Variants in DPP6 observed in about 807,000 individuals in gnomAD.
DPP6 encodes the protein dipeptidyl peptidase like 6.
Under a neutral mutation model 122.6 loss-of-function variants are expected in DPP6, and 69 were observed. The ratio of observed to expected loss-of-function variants is 0.56; its 90% CI spans 0.46 to 0.69. The LOEUF (loss-of-function observed/expected upper bound fraction) is 0.69, where lower values mean the gene tolerates loss of function less well. DPP6 is among the 30% of genes least tolerant of loss of function. The pLI is 0.00. For missense variants in DPP6, 928 were observed against 1,116.9 expected, an observed-to-expected ratio of 0.83 and a Z score of 2.41; for synonymous variants, 418 against 433.1, an observed-to-expected ratio of 0.97 and a Z score of 0.43.
chr7:153,859,893 T>TG, the DPP6 span, among the ~76,000 whole-genome samples: 30 of 152,078 alleles, frequency 2.0e-4, 1 homozygote, highest in Admixed American at 9.8e-4. Context: ...GAGAACAGCG[T>TG]GGGGAAAACC....
chr7:153,815,898 G>A, the DPP6 span, among the ~76,000 whole-genome samples: 1 of 152,114 alleles, frequency 6.6e-6, no homozygotes, highest in Admixed American at 6.6e-5. Flanking sequence ...TATAAATTAA[G>A]AGAATATCAC....
chr7:154,771,947 C>T (rs1796273222), intron 9 of DPP6, among the ~76,000 whole-genome samples: 1 of 152,208 alleles, frequency 6.6e-6, no homozygotes, highest in Non-Finnish European at 1.5e-5. Context: ...GCCAGAAGAG[C>T]TGGTGGCTGT....
intron 1 of DPP6, among the ~76,000 whole-genome samples, chr7:154,335,586 A>G (rs1029176263): frequency 1.3e-5 from 2 of 152,178 alleles, no homozygotes; most frequent in Non-Finnish European, 2.9e-5. Context: ...GATTAAGAGT[A>G]CAGAATCAAT....
At chr7:154,421,798 AAC>A (rs1409813446) in intron 1 of DPP6, among the ~76,000 whole-genome samples, 1 of 152,220 alleles carries the variant, frequency 6.6e-6, no homozygotes, top group Non-Finnish European at 1.5e-5. Context: ...ATTAGTGGAG[AAC>A]GGAACCAGCT....
chr7:154,681,514 G>A (rs190335504), intron 7 of DPP6, among the ~76,000 whole-genome samples: 5 of 152,316 alleles, frequency 3.3e-5, no homozygotes, highest in East Asian at 1.9e-4. Context: ...CCACACTTGC[G>A]GCCATGGCAG....
In DPP6 at chr7:154,893,455, A is replaced by AAC. The variant is rs1302206047; in HGVS notation, c.*976_*977insCA. 2.0e-5 allele frequency: 2 copies of AAC among 99,922 alleles called. No individual in the cohort carries two copies. Among genetic ancestry groups the AAC allele is most frequent in the East Asian group, 4.5e-4 (2 of 4,406 alleles). The allele number at this position is 99,922 out of a possible 1,614,324, so 6.2% of individuals were successfully genotyped here. Reference sequence around the variant, plus strand: ...CTCTTTCCCATGACATTTGGTTTAAAAAAAAAAAAAAAAAAAAAAAAAAAA... The same window carrying AAC: ...CTCTTTCCCATGACATTTGGTTTAAAACAAAAAAAAAAAAAAAAAAAAAAAAA... On this transcript the variant is annotated 3_prime_UTR_variant, in exon 26 of 26. Coordinates refer to ENST00000377770, the MANE Select transcript of DPP6 (RefSeq NM_130797.4).
intron 1 of DPP6, among the ~76,000 whole-genome samples, chr7:154,257,092 A>G (rs1280313534): frequency 6.8e-6 from 1 of 146,432 alleles, no homozygotes; most frequent in African/African-American, 2.5e-5. Context: ...AATCTCCTGG[A>G]CTCAAACGAT....
At chr7:153,952,067 A>G (rs905735473) in intron 1 of DPP6, among the ~76,000 whole-genome samples, 4 of 152,258 alleles carry the variant, frequency 2.6e-5, no homozygotes, top group African/African-American at 9.6e-5. Flanking sequence ...GAAAGAAAAA[A>G]CTACTGAATG....
chr7:154,123,015 C>T (rs538045671), intron 1 of DPP6, among the ~76,000 whole-genome samples: 37 of 152,202 alleles, frequency 2.4e-4, no homozygotes, highest in African/African-American at 8.9e-4. Flanking sequence ...TCCTCGGGCA[C>T]TGTTTTTCTG....
At chr7:153,915,528 G>A (rs559387801) in intron 1 of DPP6, among the ~76,000 whole-genome samples, 3 of 152,300 alleles carry the variant, frequency 2.0e-5, no homozygotes, top group East Asian at 1.9e-4. Context: ...TTCTAACACC[G>A]AAGTGAAATT....
rs1801628881 is a variant in DPP6, at chr7:154,241,696, A to G, written c.243+188633A>G. Among the ~76,000 whole-genome samples, 2 of 152,212 alleles carry G rather than the reference A, an allele frequency of 1.3e-5. No individual in the cohort carries two copies. The highest frequency in any genetic ancestry group is 2.1e-4 in the South Asian group (1 of 4,834). ...CTCAATATCATACAAACCGGCACTT[A>G]TCACATCTTGAAATTTCCCGAAGCT... On this transcript the variant is annotated intron_variant, in intron 1 of 25. Coordinates refer to ENST00000377770, the MANE Select transcript of DPP6 (RefSeq NM_130797.4). The surrounding 1 kb of genome is among the most constrained non-coding windows in gnomAD (Gnocchi z 9.0).
At chr7:154,638,902 T>C (rs1380138441) in intron 6 of DPP6, among the ~76,000 whole-genome samples, 2 of 152,216 alleles carry the variant, frequency 1.3e-5, no homozygotes, top group East Asian at 1.9e-4. Context: ...TTCTGTGGTT[T>C]CTACTGTCAT....
intron 1 of DPP6, among the ~76,000 whole-genome samples, chr7:154,431,438 TTTCC>T (rs1235922910): frequency 1.1e-5 from 1 of 87,442 alleles, no homozygotes; most frequent in Non-Finnish European, 2.6e-5. Flanking sequence ...TCTGTTTTTC[TTTCC>T]TTTCTTTTCT....
chr7:153,757,413 T>C, the DPP6 span, among the ~76,000 whole-genome samples: 2 of 152,202 alleles, frequency 1.3e-5, no homozygotes. Flanking sequence ...TGGGGCCTCG[T>C]GGAAACTTCT....
intron 5 of DPP6, among the ~76,000 whole-genome samples, chr7:154,567,123 A>C (rs1455744336): frequency 6.6e-6 from 1 of 152,164 alleles, no homozygotes; most frequent in Non-Finnish European, 1.5e-5. Context: ...AAAGTCACAT[A>C]CTTTAGAGGC....
At chr7:154,723,469 A>T (rs10225798) in intron 7 of DPP6, among the ~76,000 whole-genome samples, 9,607 of 33,662 alleles carry the variant, frequency 0.29, 710 homozygotes, top group African/African-American at 0.36. Context: ...ATTTATTTTT[A>T]AAAAAAAAAA....
At chr7:154,285,677 A>T (rs1400245407) in intron 1 of DPP6, among the ~76,000 whole-genome samples, 3 of 152,222 alleles carry the variant, frequency 2.0e-5, no homozygotes, top group Non-Finnish European at 2.9e-5. Flanking sequence ...CACCTAAGGA[A>T]ATTTATACAT....
intron 3 of DPP6, 29 bp downstream of exon 3, chr7:154,475,066 A>T: frequency 6.4e-7 from 1 of 1,553,876 alleles, no homozygotes; most frequent in Non-Finnish European, 8.9e-7. Flanking sequence ...TGCACAAGAC[A>T]TCGCTTCCCC....
At chr7:154,890,607 C>G (rs1806519042) in intron 25 of DPP6, 1 of 152,264 alleles carries the variant, frequency 6.6e-6, no homozygotes, top group African/African-American at 2.4e-5. Context: ...CTGAACCCCC[C>G]AGGTACAGAG....
Sources: allele counts gnomAD v4.1 joint callset (sites outside exome capture counted in the v4.1 genomes callset), GRCh38; gene constraint gnomAD v4.1.1; non-coding constraint Gnocchi (gnomAD v3.1); transcripts MANE v1.5; gene names NCBI Gene and HGNC (gene_info 2026-07-23, HGNC 2026-07-21).